FLT3: variants seen among roughly 807,000 people sequenced by gnomAD.
FLT3 encodes the protein fms related receptor tyrosine kinase 3, also known as receptor-type tyrosine-protein kinase FLT3.
Under a neutral mutation model 126.6 loss-of-function variants are expected in FLT3, and 46 were observed. The ratio of observed to expected loss-of-function variants is 0.36; its 90% confidence interval spans 0.29 to 0.46. The LOEUF (loss-of-function observed/expected upper bound fraction) is 0.46. Ranked by LOEUF, FLT3 falls within the 20% of genes least tolerant of loss-of-function variation. FLT3 has a pLI of 1.00. For missense variants in FLT3, 1,069 were observed against 1,190.3 expected, an observed-to-expected ratio of 0.90 and a Z score of 1.50; for synonymous variants, 404 against 434.4, an observed-to-expected ratio of 0.93 and a Z score of 0.87.
At chr13:28,056,968 A>T (rs1452552732) in intron 4 of FLT3, among the ~76,000 whole-genome samples, 1 of 152,202 alleles carries the variant, frequency 6.6e-6, no homozygotes, top group Non-Finnish European at 1.5e-5. Context: ...CCAATAAGGA[A>T]ATCGGGGCTC....
chr13:28,014,394 G>C, intron 23 of FLT3, 58 bp downstream of exon 23: 1 of 1,207,846 alleles, frequency 8.3e-7, no homozygotes, highest in Non-Finnish European at 1.2e-6. Flanking sequence ...ACAGCAACAA[G>C]TGTTTTAATT....
At chr13:28,028,337 A>G (rs1404260448) in intron 15 of FLT3, 49 bp from the exon 16 acceptor site, 1 of 927,666 alleles carries the variant, frequency 1.1e-6, no homozygotes, top group Non-Finnish European at 1.8e-6. Context: ...TAAAATACGA[A>G]TTTTATGTCA....
intron 1 of FLT3, among the ~76,000 whole-genome samples, chr13:28,095,704 G>A (rs909782303): frequency 1.3e-5 from 2 of 152,192 alleles, no homozygotes; most frequent in Non-Finnish European, 2.9e-5. Flanking sequence ...TTAAGGCAAT[G>A]TCTGGTAGGT....
rs1166598700 is a variant in FLT3 at position 28,048,425 on chromosome 13, G to A, written c.1055C>T (p.Ala352Val). 6.2e-7 allele frequency: 1 copy of A among 1,604,828 alleles called. No individual in the cohort carries two copies. The highest frequency in any genetic ancestry group is 1.3e-5 in the African/African-American group (1 of 74,816). Residue 352 changes from alanine (A) to valine (V), a missense_variant, in exon 9 of 24, where the codon GCT becomes GTT. Physicochemically the swap from Ala to Val is moderately conservative, Grantham distance 64 (BLOSUM62 0). Coordinates refer to ENST00000241453, the MANE Select transcript of FLT3 (RefSeq NM_004119.3). Reference protein sequence around the residue: ...VTIVEKGFINATNSSEDYEID... With the variant: ...VTIVEKGFINVTNSSEDYEID... ...TTCATAATCTTCACTTGAATTGGTA[G>A]CATTTATAAATCCCTTTTCTGTAAG... is the stretch of plus-strand genomic sequence containing the variant.
intron 4 of FLT3, among the ~76,000 whole-genome samples, chr13:28,053,632 A>G (rs1875745574): frequency 6.6e-6 from 1 of 152,120 alleles, no homozygotes; most frequent in South Asian, 2.1e-4. Flanking sequence ...GCACTAAACA[A>G]TATATTGATT....
intron 9 of FLT3, among the ~76,000 whole-genome samples, chr13:28,044,325 C>T (rs9551428): frequency 0.61 from 92,699 of 151,214 alleles, 28,494 homozygotes; most frequent in East Asian, 0.83. Context: ...TGGCACATGC[C>T]TGTAATCTCA....
chr13:28,065,055 G>A (rs966640076), intron 2 of FLT3, among the ~76,000 whole-genome samples: 1 of 152,176 alleles, frequency 6.6e-6, no homozygotes, highest in Non-Finnish European at 1.5e-5. Flanking sequence ...TGGATGTACT[G>A]TTAAGTGAAG....
chr13:28,015,185 C>A lies in FLT3; in HGVS notation c.2725G>T (p.Asp909Tyr). Residue 909 changes from aspartate to tyrosine, a missense_variant, in exon 22 of 24, where the codon GAT becomes TAT. Asp to Tyr is a radical substitution (Grantham distance 160). Coordinates refer to ENST00000241453, the MANE Select transcript of FLT3 (RefSeq NM_004119.3). ...TCTTCTGTAGCATAAAATGGCTGATCCATTTTAAATCCATTTTGAATCAGT... is the reference window on the plus strand; with the variant it reads ...TCTTCTGTAGCATAAAATGGCTGATACATTTTAAATCCATTTTGAATCAGT... Reference protein sequence around the residue: ...YKLIQNGFKMDQPFYATEEIY... With the variant: ...YKLIQNGFKMYQPFYATEEIY... The A allele has an allele frequency of 1.2e-6, 2 of 1,609,380 alleles. No homozygotes were observed. Among genetic ancestry groups the A allele is most frequent in the South Asian group, 1.1e-5 (1 of 90,838 alleles).
At chr13:28,081,658 G>A (rs893476352) in intron 1 of FLT3, among the ~76,000 whole-genome samples, 3 of 152,082 alleles carry the variant, frequency 2.0e-5, no homozygotes, top group Non-Finnish European at 4.4e-5. Flanking sequence ...GAAGTGAAGA[G>A]TGGATATCCT....
chr13:28,033,028 C>T lies in FLT3; in HGVS notation c.1942+859G>A, dbSNP rs935957923. Among the ~76,000 whole-genome samples, 6 of 152,008 alleles carry T rather than the reference C, an allele frequency of 3.9e-5. No homozygotes were observed. In the East Asian group the frequency reaches 9.7e-4, roughly 25 times the overall value. On this transcript the variant is annotated intron_variant, in intron 15 of 23. Transcript: ENST00000241453. ...TGAGGATACAAAGGGCCCCAGTTTTCTCTCCTACCCAGAGTCTGTTTCAAC... is the reference window on the plus strand; with the variant it reads ...TGAGGATACAAAGGGCCCCAGTTTTTTCTCCTACCCAGAGTCTGTTTCAAC...
At position 28,017,720 on chromosome 13, in the gene FLT3, A is replaced by G. The variant is rs550301189; in HGVS notation, c.2541+747T>C. Among the ~76,000 whole-genome samples, 388 of 146,340 alleles carry G rather than the reference A, an allele frequency of 2.7e-3. 1 individual carries two copies. Among genetic ancestry groups the G allele is most frequent in the Non-Finnish European group, 4.0e-3 (270 of 67,180 alleles). ...GCTCTTGTTGCCCAGGCTGGAGTGC[A>G]GTGGCGCGATCTCAGCTCACTGCAA... On this transcript the variant is annotated intron_variant, in intron 20 of 23. Coordinates refer to ENST00000241453, the MANE Select transcript of FLT3 (RefSeq NM_004119.3).
chr13:28,003,833 G>A lies in FLT3; in HGVS notation c.*219C>T. 2 of 573,040 alleles carry A rather than the reference G, an allele frequency of 3.5e-6. No homozygotes were observed. The highest frequency in any genetic ancestry group is 6.2e-6 in the Non-Finnish European group (2 of 324,918). The allele number at this position is 573,040 out of a possible 1,614,324, so 35.5% of individuals were successfully genotyped here. ...GGATGCAGATCAATGCTCCAATAAA[G>A]TTCATTATCAGCTCCTCCTGCCTTG... On this transcript the variant is annotated 3_prime_UTR_variant, in exon 24 of 24. Coordinates refer to ENST00000241453, the MANE Select transcript of FLT3 (RefSeq NM_004119.3).
intron 9 of FLT3, among the ~76,000 whole-genome samples, chr13:28,045,139 T>A (rs959032704): frequency 1.3e-5 from 2 of 152,154 alleles, no homozygotes; most frequent in African/African-American, 2.4e-5. Flanking sequence ...AGCCATGGAA[T>A]GAAACTACAT....
At chr13:28,055,668 G>C (rs1875938642) in intron 4 of FLT3, among the ~76,000 whole-genome samples, 1 of 152,142 alleles carries the variant, frequency 6.6e-6, no homozygotes, top group Non-Finnish European at 1.5e-5. Flanking sequence ...CTGAATAACT[G>C]TTGTTACATT....
intron 19 of FLT3, among the ~76,000 whole-genome samples, chr13:28,021,389 C>T (rs567538325): frequency 2.0e-5 from 3 of 152,014 alleles, no homozygotes; most frequent in African/African-American, 7.2e-5. Flanking sequence ...GACATTGTCT[C>T]AAAAACAAAA....
chr13:28,025,884 G>A (rs1326656538), intron 17 of FLT3, among the ~76,000 whole-genome samples: 1 of 152,182 alleles, frequency 6.6e-6, no homozygotes. Flanking sequence ...CACTGGGTCT[G>A]TGTCTCAGAC....
At chr13:28,051,523 C>T (rs1426949160) in intron 5 of FLT3, among the ~76,000 whole-genome samples, 1 of 148,718 alleles carries the variant, frequency 6.7e-6, no homozygotes, top group Admixed American at 6.8e-5. Flanking sequence ...AGGTGTGAGC[C>T]ACTGTGCCCA....
chr13:28,088,613 T>A (rs1485406344), intron 1 of FLT3, among the ~76,000 whole-genome samples: 2 of 110,614 alleles, frequency 1.8e-5, no homozygotes, highest in Non-Finnish European at 3.5e-5. Context: ...TGAGACAGAG[T>A]CTCACACTGT....
intron 23 of FLT3, among the ~76,000 whole-genome samples, chr13:28,008,315 A>C (rs1019432703): frequency 8.9e-5 from 13 of 145,948 alleles, no homozygotes; most frequent in African/African-American, 3.0e-4. Flanking sequence ...AAGGTTAGCT[A>C]TTGATTTTCA....
Sources: gnomAD v4.1 joint callset for allele counts (sites outside exome capture counted in the v4.1 genomes callset) on GRCh38, gnomAD v4.1.1 for gene constraint, MANE v1.5 for transcripts, NCBI Gene and HGNC (gene_info 2026-07-23, HGNC 2026-07-21) for gene names.